Variants in TXNDC16 observed in about 807,000 individuals in gnomAD.
TXNDC16 encodes thioredoxin domain-containing protein 16.
In TXNDC16, 74 loss-of-function variants were observed where a neutral mutation model predicts 85.6. The observed-to-expected ratio is 0.86, with a 90% CI of 0.72 to 1.05. The LOEUF (loss-of-function observed/expected upper bound fraction) is 1.05. Among genes scored for constraint, TXNDC16 ranks in the 50% least tolerant of loss-of-function variants. TXNDC16 has a pLI of 0.00. For missense variants in TXNDC16, 959 were observed against 947.0 expected, an observed-to-expected ratio of 1.01 and a Z score of -0.17; for synonymous variants, 335 against 326.5, an observed-to-expected ratio of 1.03 and a Z score of -0.28.
chr14:52,456,412 A>T (rs8007817), intron 17 of TXNDC16, among the ~76,000 whole-genome samples: 133,269 of 152,222 alleles, frequency 0.88, 58,607 homozygotes, highest in East Asian at 1. Context: ...TGATTTCACA[A>T]ATAGAACAAA....
intron 9 of TXNDC16, among the ~76,000 whole-genome samples, chr14:52,506,572 CG>C (rs1415312983): frequency 1.0e-5 from 1 of 97,762 alleles, no homozygotes; most frequent in Non-Finnish European, 1.8e-5. Flanking sequence ...TTTTTTGAGA[CG>C]GAGTCTCGCT....
chr14:52,492,673 G>A (rs2036435610), intron 9 of TXNDC16, among the ~76,000 whole-genome samples: 1 of 152,184 alleles, frequency 6.6e-6, no homozygotes, highest in South Asian at 2.1e-4. Flanking sequence ...GAGGTGGGGT[G>A]TCATGTGGCC....
chr14:52,513,356 T>C (rs2037000711), intron 8 of TXNDC16, among the ~76,000 whole-genome samples: 2 of 152,150 alleles, frequency 1.3e-5, no homozygotes, highest in African/African-American at 4.8e-5. Context: ...TATTAGGAGA[T>C]AACCCAAATA....
At chr14:52,517,164 G>T (rs2037102743) in intron 7 of TXNDC16, among the ~76,000 whole-genome samples, 1 of 151,866 alleles carries the variant, frequency 6.6e-6, no homozygotes, top group South Asian at 2.1e-4. Context: ...TCCCGCTCTG[G>T]TCTTCTCTTT....
At chr14:52,478,779 A>G (rs957229332) in intron 14 of TXNDC16, among the ~76,000 whole-genome samples, 2 of 152,116 alleles carry the variant, frequency 1.3e-5, no homozygotes, top group African/African-American at 4.8e-5. Context: ...ATTCCACAAG[A>G]TAGAGAAAAA....
intron 6 of TXNDC16, among the ~76,000 whole-genome samples, chr14:52,527,437 T>A (rs957609477): frequency 8.1e-6 from 1 of 123,014 alleles, no homozygotes; most frequent in Admixed American, 8.1e-5. Context: ...ATGATTTTTG[T>A]TTTTTTCACA....
Position 52,463,248 on chromosome 14 carries a change from C to T in TXNDC16, c.1619-6074G>A, listed in dbSNP as rs534083832. 3.9e-5 allele frequency among the ~76,000 whole-genome samples: 6 copies of T among 151,916 alleles called. No individual in the cohort carries two copies. The East Asian group carries it at 9.7e-4, about 24-fold the overall frequency. ...ACTCAGATAGCTCAGAACACAAAGC[C>T]GTGGAGCTTCAAAGTCTGAAAGAGA... On this transcript the variant is annotated intron_variant, in intron 16 of 20. Coordinates refer to ENST00000281741, the MANE Select transcript of TXNDC16 (RefSeq NM_020784.3).
chr14:52,479,793 T>A (rs2036104614), intron 14 of TXNDC16, among the ~76,000 whole-genome samples: 1 of 151,968 alleles, frequency 6.6e-6, no homozygotes, highest in South Asian at 2.1e-4. Flanking sequence ...AATACCACCA[T>A]CATTCTTCAC....
chr14:52,491,133 A>C (rs2036395216), intron 9 of TXNDC16, 128 bp from the exon 10 acceptor site: 2 of 1,063,278 alleles, frequency 1.9e-6, no homozygotes, highest in African/African-American at 1.6e-5. Flanking sequence ...CACTAACAGA[A>C]ACGATCTCTT....
intron 1 of TXNDC16, among the ~76,000 whole-genome samples, chr14:52,549,528 T>C (rs2038003028): frequency 6.6e-6 from 1 of 152,208 alleles, no homozygotes; most frequent in Non-Finnish European, 1.5e-5. Flanking sequence ...TTTGCCTTTG[T>C]GTTCCTTAGG....
rs2036553271 is a variant in TXNDC16, at chr14:52,497,234, G to C, written c.757-6229C>G. Among the ~76,000 whole-genome samples, 3 of 152,112 alleles carry C rather than the reference G, an allele frequency of 2.0e-5. No individual in the cohort carries two copies. In the South Asian group the frequency reaches 6.2e-4, roughly 32 times the overall value. On this transcript the variant is annotated intron_variant, in intron 9 of 20. Transcript: ENST00000281741. ...ATATGCCAATAAATTTGATAACTTA[G>C]AAGAAATAAATTCTTAGAGACATAC...
chr14:52,491,308 A>G (rs1392830404), intron 9 of TXNDC16, among the ~76,000 whole-genome samples: 2 of 145,310 alleles, frequency 1.4e-5, no homozygotes, highest in Non-Finnish European at 3.0e-5. Context: ...CAGCCTCCCG[A>G]GTAGCTGAGA....
At chr14:52,473,742 G>T (rs999217053) in intron 14 of TXNDC16, among the ~76,000 whole-genome samples, 4 of 152,122 alleles carry the variant, frequency 2.6e-5, no homozygotes, top group African/African-American at 9.7e-5. Context: ...TTAGATACAG[G>T]TATTATGTAA....
chr14:52,484,370 G>A (rs2036219067), intron 12 of TXNDC16, among the ~76,000 whole-genome samples: 1 of 152,192 alleles, frequency 6.6e-6, no homozygotes, highest in South Asian at 2.1e-4. Flanking sequence ...TAGAACTAAA[G>A]TATTGTTTTA....
At position 52,455,421 on chromosome 14, in the gene TXNDC16, G is replaced by T. The variant is rs1426038857; in HGVS notation, c.1745C>A (p.Ala582Asp). The T allele has an allele frequency of 2.5e-6, 4 of 1,613,972 alleles. No homozygotes were observed. In the South Asian group the frequency reaches 4.4e-5, roughly 18 times the overall value. ...CTCTATTTTGCCTTCTGTGTGTCTGGCAAGCAGCAGGGCTGGAAGACTTGC... is the reference window on the plus strand; with the variant it reads ...CTCTATTTTGCCTTCTGTGTGTCTGTCAAGCAGCAGGGCTGGAAGACTTGC... Reference protein sequence around the residue: ...YAASLPALLLARHTEGKIESI... With the variant: ...YAASLPALLLDRHTEGKIESI... Residue 582 changes from alanine (A) to aspartate (D), a missense_variant, in exon 18 of 21, where the codon GCC becomes GAC. Coordinates refer to ENST00000281741, the MANE Select transcript of TXNDC16 (RefSeq NM_020784.3).
chr14:52,552,022 T>G (rs894843340), intron 1 of TXNDC16, among the ~76,000 whole-genome samples: 3 of 152,204 alleles, frequency 2.0e-5, no homozygotes, highest in African/African-American at 7.2e-5. Context: ...ACATTTCCCT[T>G]GGCCTTGGGA....
At position 52,504,113 on chromosome 14, in the gene TXNDC16, G is replaced by C. The variant is rs146565523; in HGVS notation, c.756+7127C>G. ...GTCTGACTGGTATACCTGAAAGTGA[G>C]GGGGAGGATGGAACCAAGTTAGAAA... On this transcript the variant is annotated intron_variant, in intron 9 of 20. Transcript: ENST00000281741. 3.2e-3 allele frequency among the ~76,000 whole-genome samples: 492 copies of C among 152,320 alleles called. 2 individuals are homozygous for C. Among genetic ancestry groups the C allele is most frequent in the African/African-American group, 0.011 (463 of 41,572 alleles).
At chr14:52,537,500 T>G in intron 5 of TXNDC16, 99 bp downstream of exon 5, 1 of 873,284 alleles carries the variant, frequency 1.1e-6, no homozygotes, top group East Asian at 2.6e-5. Context: ...TGATCCCCCC[T>G]ACATATGACT....
chr14:52,502,749 C>A (rs927879558), intron 9 of TXNDC16, among the ~76,000 whole-genome samples: 1 of 152,106 alleles, frequency 6.6e-6, no homozygotes, highest in Admixed American at 6.5e-5. Context: ...GTACAGCGCA[C>A]CGAGCGTGAC....
Sources: gnomAD v4.1 joint callset for allele counts (sites outside exome capture counted in the v4.1 genomes callset) on GRCh38, gnomAD v4.1.1 for gene constraint, MANE v1.5 for transcripts, NCBI Gene and HGNC (gene_info 2026-07-23, HGNC 2026-07-21) for gene names.